Variants in IMMT observed in about 807,000 individuals in gnomAD.
IMMT encodes the protein MICOS complex subunit MIC60.
IMMT carries 40 observed loss-of-function variants against 92.7 expected under a neutral mutation model. That is an observed-to-expected ratio of 0.43 (90% confidence interval 0.34 to 0.56). The LOEUF is 0.56. Among genes scored for constraint, IMMT ranks in the 20% least tolerant of loss-of-function variants. The pLI, the probability that IMMT is intolerant of heterozygous loss-of-function variation, is 0.03. For synonymous variants in IMMT, 322 were observed against 336.1 expected (o/e 0.96, Z 0.46); for missense variants, 831 against 912.1 (o/e 0.91, Z 1.14).
chr2:86,173,248 C>T (rs1468803647), intron 4 of IMMT, among the ~76,000 whole-genome samples: 1 of 152,186 alleles, frequency 6.6e-6, no homozygotes, highest in Non-Finnish European at 1.5e-5. Flanking sequence ...GGGACTAGAG[C>T]AAGACACTTT....
At chr2:86,173,551 G>T in intron 4 of IMMT, 99 bp downstream of exon 4, 1 of 722,256 alleles carries the variant, frequency 1.4e-6, no homozygotes, top group Non-Finnish European at 2.4e-6. Context: ...CTGCACTCCA[G>T]CCTAGGCAAC....
chr2:86,158,737 G>C lies in IMMT; in HGVS notation c.1033-16C>G. 1 of 1,579,192 alleles carries C rather than the reference G, an allele frequency of 6.3e-7. No homozygotes were observed. Among genetic ancestry groups the C allele is most frequent in the East Asian group, 2.3e-5 (1 of 44,116 alleles). On this transcript the variant is annotated splice_polypyrimidine_tract_variant and intron_variant, in intron 9 of 14. Coordinates refer to ENST00000410111, the MANE Select transcript of IMMT (RefSeq NM_006839.3). Reference sequence around the variant, plus strand: ...CTGCTTGGACCTGAGCAAATACACAGGGTATGTGATTAAATTGAACAAAAA... The same window carrying C: ...CTGCTTGGACCTGAGCAAATACACACGGTATGTGATTAAATTGAACAAAAA...
intron 3 of IMMT, among the ~76,000 whole-genome samples, chr2:86,176,319 C>T (rs1198469121): frequency 6.6e-6 from 1 of 152,126 alleles, no homozygotes; most frequent in Non-Finnish European, 1.5e-5. Context: ...ATGAAAATAT[C>T]ATAGCACTTC....
At chr2:86,194,096 G>C (rs775580986) in intron 1 of IMMT, among the ~76,000 whole-genome samples, 58 of 152,252 alleles carry the variant, frequency 3.8e-4, no homozygotes, top group Non-Finnish European at 7.8e-4. Context: ...GAAGCTGGGA[G>C]CAGTGGCTGG....
intron 8 of IMMT, among the ~76,000 whole-genome samples, chr2:86,160,319 A>G (rs1249828574): frequency 6.6e-6 from 1 of 152,204 alleles, no homozygotes. Flanking sequence ...AGCACACAAT[A>G]AACAGCAGCT....
intron 4 of IMMT, chr2:86,171,565 G>A (rs1677085182): frequency 2.0e-6 from 1 of 506,568 alleles, no homozygotes; most frequent in Non-Finnish European, 3.6e-6. Context: ...ACAAAAGAAA[G>A]AAGTCTTGTC....
rs768354546 is a variant in IMMT at position 86,151,371 on chromosome 2, G to A, written c.1327C>T (p.Arg443Trp). The A allele has an allele frequency of 1.9e-5, 31 of 1,613,762 alleles. No individual in the cohort carries two copies. The highest frequency in any genetic ancestry group is 3.3e-5 in the South Asian group (3 of 91,084). The change falls in exon 12 of 15, where the codon CGG becomes TGG. Residue 443 changes from arginine to tryptophan, a missense_variant. By Grantham distance (101) the Arg-to-Trp change is moderately radical (BLOSUM62 -3). Coordinates refer to ENST00000410111, the MANE Select transcript of IMMT (RefSeq NM_006839.3). ...TTTGCTACTGCAGAGTCAAATGCCC[G>A]CTTTTCTTCCAGCTTTTGTTTCTCC... Reference protein sequence around the residue: ...ALEKQKLEEKRAFDSAVAKAL... With the variant: ...ALEKQKLEEKWAFDSAVAKAL...
intron 1 of IMMT, among the ~76,000 whole-genome samples, chr2:86,191,744 A>G (rs1229892344): frequency 1.2e-5 from 1 of 82,322 alleles, no homozygotes; most frequent in East Asian, 2.6e-4. Context: ...TCTACTAAAA[A>G]TACAAAAAAA....
rs545088852 is a variant in IMMT at position 86,165,776 on chromosome 2, TAGC to T, written c.792+729_792+731del. ...CATAAATAATCATAAACATTTAAAA[TAGC>T]AGGTGTTTCAGGGAACATGAGAGCT... On this transcript the variant is annotated intron_variant, in intron 7 of 14. Transcript: ENST00000410111. Among the ~76,000 whole-genome samples the T allele has an allele frequency of 3.2e-3, 483 of 152,302 alleles. 1 individual carries two copies. The highest frequency in any genetic ancestry group is 0.011 in the African/African-American group (441 of 41,556).
chr2:86,178,442 T>C (rs1347699733), intron 3 of IMMT, among the ~76,000 whole-genome samples: 1 of 149,522 alleles, frequency 6.7e-6, no homozygotes, highest in African/African-American at 2.5e-5. Flanking sequence ...CTGGACAACA[T>C]GGTAAAACCC....
At chr2:86,151,811 T>C (rs1347528216) in intron 11 of IMMT, among the ~76,000 whole-genome samples, 1 of 152,244 alleles carries the variant, frequency 6.6e-6, no homozygotes, top group East Asian at 1.9e-4. Context: ...ACTGTAACTT[T>C]GCCTTTAAAG....
At position 86,170,783 on chromosome 2, in the gene IMMT, T is replaced by C; in HGVS notation, c.621A>G (p.Ala207=). The C allele has an allele frequency of 6.3e-7, 1 of 1,589,186 alleles. No individual in the cohort carries two copies. The highest frequency in any genetic ancestry group is 8.6e-7 in the Non-Finnish European group (1 of 1,166,188). The stretch of plus-strand genomic sequence containing the variant: ...TAACTTGTTCTTGTTTTTCCTGTTG[T>C]GCAAGGCGAGCTGCAACTTCTTCAG... The part of the protein sequence containing the change: ...RPPEEVAARL[A]QQEKQEQVKI... Residue 207 remains alanine, a synonymous_variant, in exon 6 of 15, where the codon GCA becomes GCG. Transcript: ENST00000410111.
intron 7 of IMMT, among the ~76,000 whole-genome samples, chr2:86,163,969 GA>G (rs1430283618): frequency 1.1e-5 from 1 of 92,452 alleles, no homozygotes; most frequent in Non-Finnish European, 2.5e-5. Flanking sequence ...CAAAAAAAAA[GA>G]ATGTTCTATG....
chr2:86,171,526 CA>C, intron 4 of IMMT, 181 bp from the exon 5 acceptor site: 1 of 592,514 alleles, frequency 1.7e-6, no homozygotes, highest in Non-Finnish European at 3.0e-6. Context: ...TACATAAACT[CA>C]CACAAAATGG....
Position 86,159,648 on chromosome 2 carries a change from C to G in IMMT, c.920G>C (p.Ser307Thr). ...KAKEELEKMK[S>T]VIENAKKKEV... ...TTTTTTCTTTGCATTTTCAATCACA[C>G]TTTTCATCTTCTCTAACTCTTCTCT... is the stretch of plus-strand genomic sequence containing the variant. Residue 307 changes from serine to threonine, a missense_variant, in exon 9 of 15, where the codon AGT (serine) becomes ACT (threonine). Ser to Thr is a moderately conservative substitution (Grantham distance 58). Coordinates refer to ENST00000410111, the MANE Select transcript of IMMT (RefSeq NM_006839.3). 1 of 1,575,556 alleles carries G rather than the reference C, an allele frequency of 6.3e-7. No individual in the cohort carries two copies. The highest frequency in any genetic ancestry group is 8.6e-7 in the Non-Finnish European group (1 of 1,168,212).
intron 10 of IMMT, among the ~76,000 whole-genome samples, chr2:86,156,776 G>T (rs1351491744): frequency 1.3e-5 from 2 of 152,020 alleles, no homozygotes; most frequent in Admixed American, 6.6e-5. Flanking sequence ...AATAAAATTT[G>T]TCCTGCCCTG....
At chr2:86,187,983 T>G (rs1351073391) in intron 1 of IMMT, among the ~76,000 whole-genome samples, 1 of 152,128 alleles carries the variant, frequency 6.6e-6, no homozygotes, top group Non-Finnish European at 1.5e-5. Flanking sequence ...CATTTTACAT[T>G]CCCACTAGCA....
intron 3 of IMMT, among the ~76,000 whole-genome samples, chr2:86,173,992 G>T (rs1677268417): frequency 6.6e-6 from 1 of 152,014 alleles, no homozygotes; most frequent in African/African-American, 2.4e-5. Flanking sequence ...TAGTAACAAA[G>T]GTTTCTATTA....
At chr2:86,153,477 G>T in intron 11 of IMMT, 83 bp downstream of exon 11, 1 of 690,430 alleles carries the variant, frequency 1.4e-6, no homozygotes, top group Non-Finnish European at 2.3e-6. Context: ...CTTTGTGTAA[G>T]AATCATAGGC....
Sources: gnomAD v4.1 joint callset for allele counts (sites outside exome capture counted in the v4.1 genomes callset) on GRCh38, gnomAD v4.1.1 for gene constraint, MANE v1.5 for transcripts, NCBI Gene and HGNC (gene_info 2026-07-23, HGNC 2026-07-21) for gene names.